PCDH11Y: variants seen among roughly 807,000 people sequenced by gnomAD.
The protein encoded by PCDH11Y is protocadherin 11 Y-linked.
For synonymous variants in PCDH11Y, 9 were observed against 83.6 expected (o/e 0.11, Z 4.87); for missense variants, 12 against 224.8 (o/e 0.05, Z 6.05).
chrY:5,240,177 C>G, intron 2 of PCDH11Y, among the ~76,000 whole-genome samples: 4 of 33,598 alleles, frequency 1.2e-4, no homozygotes, highest in Non-Finnish European at 2.2e-4. Flanking sequence ...AACTTTGTAT[C>G]CATTCAAGTT....
At chrY:5,636,161 A>G (rs2124704377) in intron 4 of PCDH11Y, among the ~76,000 whole-genome samples, 1 of 34,025 alleles carries the variant, frequency 2.9e-5, no homozygotes, top group South Asian at 6.4e-4. Context: ...TTGCTAAATA[A>G]AAGAATGACT....
At chrY:5,189,702 A>C in intron 2 of PCDH11Y, among the ~76,000 whole-genome samples, 1 of 34,163 alleles carries the variant, frequency 2.9e-5, no homozygotes, top group African/African-American at 1.1e-4. Flanking sequence ...AATGCATGAA[A>C]AAAGGAAGTA....
At chrY:5,344,747 C>A in intron 2 of PCDH11Y, among the ~76,000 whole-genome samples, 1 of 32,785 alleles carries the variant, frequency 3.1e-5, no homozygotes, top group East Asian at 8.1e-4. Flanking sequence ...TGGCTCACTG[C>A]AACCTCCGCC....
chrY:5,214,615 T>C, intron 2 of PCDH11Y, among the ~76,000 whole-genome samples: 1 of 32,741 alleles, frequency 3.1e-5, no homozygotes, highest in Admixed American at 2.8e-4. Context: ...TCTCTGATCT[T>C]TTCCTCTCCA....
At chrY:5,070,657 T>C in intron 1 of PCDH11Y, among the ~76,000 whole-genome samples, 1 of 33,393 alleles carries the variant, frequency 3.0e-5, no homozygotes. Flanking sequence ...AATTACTTAT[T>C]ATTAGGTTCC....
chrY:5,055,348 T>TTTTA (rs2124627706), upstream of PCDH11Y, among the ~76,000 whole-genome samples: 2 of 33,366 alleles, frequency 6.0e-5, no homozygotes, highest in African/African-American at 2.3e-4. Context: ...AACTTGTTGA[T>TTTTA]GTTATCGATT....
chrY:5,445,423 CTCT>C (rs2053286573), intron 2 of PCDH11Y, among the ~76,000 whole-genome samples: 7 of 26,110 alleles, frequency 2.7e-4, no homozygotes, highest in South Asian at 9.3e-4. Context: ...TTTCTTCTTC[CTCT>C]TCTTCTTCTT....
intron 2 of PCDH11Y, among the ~76,000 whole-genome samples, chrY:5,252,751 G>GTA (rs2053005574): frequency 4.6e-5 from 1 of 21,889 alleles, no homozygotes; most frequent in African/African-American, 1.8e-4. Context: ...AGAAACAAAG[G>GTA]TAAGTGTTAA....
chrY:5,160,038 T>TATATAATATAATATA (rs56707340), intron 2 of PCDH11Y, among the ~76,000 whole-genome samples: 952 of 15,023 alleles, frequency 0.063, no homozygotes, highest in African/African-American at 0.15. Context: ...TAATATAATA[T>TATATAATATAATATA]ATATAATATA....
chrY:5,591,965 A>G, intron 4 of PCDH11Y, among the ~76,000 whole-genome samples: 1 of 33,158 alleles, frequency 3.0e-5, no homozygotes, highest in African/African-American at 1.2e-4. Context: ...TATGTGGTCA[A>G]TTTTAGAGTA....
At chrY:5,547,433 T>C in intron 3 of PCDH11Y, among the ~76,000 whole-genome samples, 1 of 32,988 alleles carries the variant, frequency 3.0e-5, no homozygotes, top group Non-Finnish European at 7.5e-5. Flanking sequence ...TTCATAACTA[T>C]CAAACATATT....
At chrY:5,507,301 T>G in intron 3 of PCDH11Y, among the ~76,000 whole-genome samples, 5 of 32,603 alleles carry the variant, frequency 1.5e-4, no homozygotes, top group Admixed American at 1.4e-3. Flanking sequence ...AAATACATTA[T>G]AATAAGAAAA....
chrY:5,076,044 C>T (rs1602857251), intron 1 of PCDH11Y, among the ~76,000 whole-genome samples: 2 of 33,827 alleles, frequency 5.9e-5, no homozygotes, highest in East Asian at 7.9e-4. Context: ...TACAAGGATT[C>T]GCTTTTCTCC....
intron 4 of PCDH11Y, among the ~76,000 whole-genome samples, chrY:5,637,136 G>A: frequency 3.0e-5 from 1 of 33,488 alleles, no homozygotes; most frequent in Non-Finnish European, 7.4e-5. Context: ...ATAGTGCAAT[G>A]ATAGCATTTT....
chrY:5,067,584 C>G, intron 1 of PCDH11Y, among the ~76,000 whole-genome samples: 1 of 33,265 alleles, frequency 3.0e-5, no homozygotes, highest in Non-Finnish European at 7.4e-5. Context: ...CAATAACCTT[C>G]CTGTTATTAC....
At chrY:5,262,430 C>T (rs2053019772) in intron 2 of PCDH11Y, among the ~76,000 whole-genome samples, 2 of 28,412 alleles carry the variant, frequency 7.0e-5, no homozygotes, top group African/African-American at 2.8e-4. Flanking sequence ...ATCCTTTGCC[C>T]CCTTTTTGAT....
intron 2 of PCDH11Y, among the ~76,000 whole-genome samples, chrY:5,229,557 T>A: frequency 3.2e-5 from 1 of 31,590 alleles, no homozygotes; most frequent in Non-Finnish European, 7.6e-5. Context: ...CTCGTGATCC[T>A]CCCGTCTCAG....
At chrY:5,519,961 C>G in intron 3 of PCDH11Y, among the ~76,000 whole-genome samples, 1 of 22,887 alleles carries the variant, frequency 4.4e-5, no homozygotes, top group African/African-American at 1.8e-4. Flanking sequence ...CGCCTGTAAT[C>G]CCAGCACTTT....
chrY:5,698,567 A>G, intron 4 of PCDH11Y, among the ~76,000 whole-genome samples: 1 of 33,147 alleles, frequency 3.0e-5, no homozygotes, highest in African/African-American at 1.2e-4. Context: ...TTGGCAAGAT[A>G]ATCTTCAAAC....
Sources: allele counts gnomAD v4.1 joint callset (sites outside exome capture counted in the v4.1 genomes callset), GRCh38; gene constraint gnomAD v4.1.1; transcripts MANE v1.5; gene names NCBI Gene and HGNC (gene_info 2026-07-23, HGNC 2026-07-21).